The following ARL15 variants were observed in gnomAD, a reference collection of about 807,000 sequenced individuals.
The protein encoded by ARL15 is ARF like GTPase 15.
ARL15 carries 19 observed loss-of-function variants against 25.2 expected under a neutral mutation model. The observed-to-expected ratio is 0.75, with a 90% CI of 0.53 to 1.10. ARL15 has a LOEUF of 1.10. ARL15 is among the 50% of genes least tolerant of loss of function. The pLI is 0.00. For missense variants in ARL15, 220 were observed against 246.0 expected (o/e 0.89, Z 0.71); for synonymous variants, 94 against 86.8 (o/e 1.08, Z -0.46).
intron 1 of ARL15, among the ~76,000 whole-genome samples, chr5:54,274,740 T>C (rs1020085406): frequency 2.0e-5 from 3 of 151,820 alleles, no homozygotes; most frequent in African/African-American, 7.2e-5. Flanking sequence ...CTGCTAAAAA[T>C]ACAAAAATAC....
intron 1 of ARL15, among the ~76,000 whole-genome samples, chr5:54,184,517 T>C (rs933061926): frequency 2.8e-5 from 4 of 144,070 alleles, no homozygotes; most frequent in Non-Finnish European, 6.0e-5. Flanking sequence ...CAAATGGATT[T>C]AAATATCACC....
chr5:54,270,597 C>T (rs2112643860), intron 1 of ARL15, among the ~76,000 whole-genome samples: 1 of 152,332 alleles, frequency 6.6e-6, no homozygotes, highest in Admixed American at 6.5e-5. Flanking sequence ...TATCTAGGCA[C>T]TGGAGATACA....
chr5:54,213,022 T>A (rs1258845714), intron 1 of ARL15, among the ~76,000 whole-genome samples: 1 of 152,210 alleles, frequency 6.6e-6, no homozygotes, highest in Non-Finnish European at 1.5e-5. Context: ...TGTTGTCTGA[T>A]CAAGCAAACA....
intron 1 of ARL15, among the ~76,000 whole-genome samples, chr5:54,269,220 A>G (rs961391934): frequency 2.6e-5 from 4 of 151,984 alleles, no homozygotes; most frequent in Admixed American, 6.6e-5. Context: ...TTAAAGTATA[A>G]TAAGAATAAA....
intron 4 of ARL15, among the ~76,000 whole-genome samples, chr5:53,936,955 C>T (rs1041099937): frequency 3.3e-5 from 5 of 152,224 alleles, no homozygotes; most frequent in Admixed American, 2.0e-4. Context: ...AGGATAGAAA[C>T]TGTTCCTCCT....
At chr5:54,098,453 C>T (rs868020785) in intron 4 of ARL15, among the ~76,000 whole-genome samples, 7 of 152,096 alleles carry the variant, frequency 4.6e-5, no homozygotes, top group Middle Eastern at 3.2e-3. Flanking sequence ...CACTGTAACC[C>T]TGCATCACTG....
chr5:53,889,728 T>G (rs1454834153), intron 4 of ARL15, among the ~76,000 whole-genome samples: 2 of 152,140 alleles, frequency 1.3e-5, no homozygotes, highest in African/African-American at 4.8e-5. Flanking sequence ...TAGCTTTTCA[T>G]TACTTGGAAT....
At chr5:54,257,703 A>G (rs1316848726) in intron 1 of ARL15, among the ~76,000 whole-genome samples, 1 of 152,230 alleles carries the variant, frequency 6.6e-6, no homozygotes, top group Non-Finnish European at 1.5e-5. Flanking sequence ...TAACCCAAGT[A>G]TCTGATTGCA....
At chr5:54,103,610 T>G (rs896933073) in intron 4 of ARL15, among the ~76,000 whole-genome samples, 1 of 152,188 alleles carries the variant, frequency 6.6e-6, no homozygotes, top group Non-Finnish European at 1.5e-5. Context: ...TCCAAGCCTA[T>G]GTACACTGGA....
intron 1 of ARL15, among the ~76,000 whole-genome samples, chr5:54,256,209 T>C (rs982270442): frequency 4.0e-5 from 6 of 151,864 alleles, no homozygotes; most frequent in South Asian, 4.1e-4. Flanking sequence ...ATTAGTTCAA[T>C]TGGAAATGAA....
At chr5:53,958,732 T>C (rs914960442) in intron 4 of ARL15, among the ~76,000 whole-genome samples, 3 of 152,142 alleles carry the variant, frequency 2.0e-5, no homozygotes, top group African/African-American at 4.8e-5. Context: ...AAAGATATTG[T>C]ATGCACATAG....
intron 1 of ARL15, among the ~76,000 whole-genome samples, chr5:54,182,553 C>T (rs1755092171): frequency 6.7e-6 from 1 of 148,676 alleles, no homozygotes; most frequent in African/African-American, 2.5e-5. Context: ...TTACTGTAGC[C>T]TTGTAGTATA....
intron 4 of ARL15, among the ~76,000 whole-genome samples, chr5:53,939,574 A>C (rs1467195193): frequency 6.6e-6 from 1 of 152,044 alleles, no homozygotes; most frequent in Non-Finnish European, 1.5e-5. Flanking sequence ...GTCTCTACTA[A>C]AAATAAAAAA....
At chr5:54,113,530 T>C in intron 3 of ARL15, 120 bp from the exon 4 acceptor site, 1 of 902,434 alleles carries the variant, frequency 1.1e-6, no homozygotes, top group Non-Finnish European at 1.6e-6. Flanking sequence ...CTAAACTCTG[T>C]GGTATGGATT....
At chr5:54,133,880 C>T (rs1180312515) in intron 3 of ARL15, among the ~76,000 whole-genome samples, 2 of 151,784 alleles carry the variant, frequency 1.3e-5, no homozygotes, top group Non-Finnish European at 2.9e-5. Context: ...AAGTTATACT[C>T]GCAAAAATGT....
intron 3 of ARL15, among the ~76,000 whole-genome samples, chr5:54,125,154 C>T (rs1463096408): frequency 6.6e-6 from 1 of 151,154 alleles, no homozygotes; most frequent in Admixed American, 6.6e-5. Flanking sequence ...CTGCCTCAGC[C>T]TCCTGAGTAG....
chr5:53,985,986 C>T (rs1748285907), intron 4 of ARL15, among the ~76,000 whole-genome samples: 1 of 152,120 alleles, frequency 6.6e-6, no homozygotes, highest in Non-Finnish European at 1.5e-5. Context: ...GGGGATGACA[C>T]CCAGTGTCAC....
intron 4 of ARL15, among the ~76,000 whole-genome samples, chr5:53,907,473 T>TATATATATAC (rs1561143755): frequency 1.4e-4 from 4 of 27,696 alleles, no homozygotes; most frequent in African/African-American, 4.8e-4. Context: ...TATATATATA[T>TATATATATAC]ATATATATAT....
intron 3 of ARL15, among the ~76,000 whole-genome samples, chr5:54,120,782 G>A (rs140963841): frequency 1.9e-3 from 288 of 152,288 alleles, no homozygotes; most frequent in African/African-American, 3.1e-3. Context: ...TGCAATTGAC[G>A]TTGACCAAAG....
Sources: allele counts gnomAD v4.1 joint callset (sites outside exome capture counted in the v4.1 genomes callset), GRCh38; gene constraint gnomAD v4.1.1; transcripts MANE v1.5; gene names NCBI Gene and HGNC (gene_info 2026-07-23, HGNC 2026-07-21).